GLIS3: variants seen among roughly 807,000 people sequenced by gnomAD.
GLIS3 encodes the protein GLIS family zinc finger 3.
Under a neutral mutation model 78.6 loss-of-function variants are expected in GLIS3, and 53 were observed. The ratio of observed to expected loss-of-function variants is 0.67; its 90% CI spans 0.54 to 0.85. The LOEUF is 0.85. GLIS3 is among the 40% of genes least tolerant of loss of function. GLIS3 has a pLI of 0.00. For missense variants in GLIS3, 1,703 were observed against 1,231.1 expected, an observed-to-expected ratio of 1.38 and a Z score of -5.74; for synonymous variants, 684 against 509.9, an observed-to-expected ratio of 1.34 and a Z score of -4.60.
chr9:4,267,726 T>A (rs1486415830), intron 2 of GLIS3, among the ~76,000 whole-genome samples: 1 of 152,142 alleles, frequency 6.6e-6, no homozygotes, highest in Non-Finnish European at 1.5e-5. Flanking sequence ...AGGAATATCT[T>A]AAGTCATTTC....
intron 2 of GLIS3, among the ~76,000 whole-genome samples, chr9:4,331,203 G>C (rs982825040): frequency 6.6e-6 from 1 of 152,146 alleles, no homozygotes; most frequent in African/African-American, 2.4e-5. Context: ...TGTTCTTCCA[G>C]CTTCTAAAGG....
rs981444857 is a variant in GLIS3, at chr9:4,225,233, T to A, written c.388+60805A>T. 2.6e-5 allele frequency among the ~76,000 whole-genome samples: 4 copies of A among 152,294 alleles called. No individual in the cohort carries two copies. The East Asian group carries it at 5.8e-4, about 22-fold the overall frequency. On this transcript the variant is annotated intron_variant, in intron 2 of 10. Transcript: ENST00000381971. Reference sequence around the variant, plus strand: ...ATTTTCCCCTACAACTGCAAAAGGTTGACTCTCATATACTTCGCTCTTTAA... The same window carrying A: ...ATTTTCCCCTACAACTGCAAAAGGTAGACTCTCATATACTTCGCTCTTTAA...
At chr9:4,266,269 T>A (rs1825999261) in intron 2 of GLIS3, among the ~76,000 whole-genome samples, 1 of 151,930 alleles carries the variant, frequency 6.6e-6, no homozygotes, top group Admixed American at 6.6e-5. Context: ...ATGAGCCACC[T>A]GGCTCAAGAA....
intron 2 of GLIS3, among the ~76,000 whole-genome samples, chr9:4,194,308 C>T (rs566071971): frequency 2.1e-4 from 32 of 152,290 alleles, no homozygotes; most frequent in Non-Finnish European, 2.6e-4. Flanking sequence ...AATCTGCCCA[C>T]TTTGGCCTCC....
In GLIS3 at chr9:3,936,908, T is replaced by G. The variant is rs1427564674; in HGVS notation, c.1872+120A>C. The G allele has an allele frequency of 2.9e-6, 4 of 1,374,274 alleles. No individual in the cohort carries two copies. In the East Asian group the frequency reaches 9.1e-5, roughly 31 times the overall value. The allele number at this position is 1,374,274 out of a possible 1,614,324, so 85.1% of individuals were successfully genotyped here. A position where few individuals can be genotyped will look rare whatever the true frequency, so the allele number is the denominator to read the frequency against. ...CTTTTACCAGGCTCCACTGCTGCCC[T>G]TGGCATTGTCCCTGTAACCTGCAGA... is the stretch of plus-strand genomic sequence containing the variant. On this transcript the variant is annotated intron_variant, in intron 5 of 10. Transcript: ENST00000381971.
chr9:3,890,459 T>C (rs73384277), intron 7 of GLIS3, among the ~76,000 whole-genome samples: 6,550 of 152,110 alleles, frequency 0.043, 156 homozygotes, highest in Middle Eastern at 0.065. Flanking sequence ...GCCACAGACA[T>C]TGACTTTGTT....
In GLIS3 at chr9:4,274,340, G is replaced by T. The variant is rs934709499; in HGVS notation, c.388+11698C>A. On this transcript the variant is annotated intron_variant, in intron 2 of 10. Transcript: ENST00000381971. ...TTCCTTTCTTCTTAGGTCTCTCTCT[G>T]GACTTGTTGGGGTGTTTTTTCATTT... 2.0e-5 allele frequency among the ~76,000 whole-genome samples: 3 copies of T among 152,132 alleles called. No individual in the cohort carries two copies. The East Asian group carries it at 5.8e-4, about 29-fold the overall frequency.
In GLIS3 at chr9:3,898,842, G is replaced by A. The variant is rs763102598; in HGVS notation, c.1984-7C>T. On this transcript the variant is annotated splice_polypyrimidine_tract_variant and splice_region_variant and intron_variant, in intron 6 of 10. Coordinates refer to ENST00000381971, the MANE Select transcript of GLIS3 (RefSeq NM_001042413.2). Reference sequence around the variant, plus strand: ...GCTCTGTGCTGGACCGCAACTAAGAGGACAAAACGGAAGAGACATCGATAA... The same window carrying A: ...GCTCTGTGCTGGACCGCAACTAAGAAGACAAAACGGAAGAGACATCGATAA... 2.5e-6 allele frequency: 4 copies of A among 1,613,822 alleles called. No homozygotes were observed. Among genetic ancestry groups the A allele is most frequent in the East Asian group, 4.5e-5 (2 of 44,892 alleles).
At position 4,086,224 on chromosome 9, in the gene GLIS3, T is replaced by C. The variant is rs190961359; in HGVS notation, c.1710+31544A>G. On this transcript the variant is annotated intron_variant, in intron 4 of 10. Coordinates refer to ENST00000381971, the MANE Select transcript of GLIS3 (RefSeq NM_001042413.2). ...TCTTTTGGCATGTAATTTACTTGTC[T>C]CCACCTCAGTCTAGTGAAATCCTCA... Among the ~76,000 whole-genome samples, 33 of 152,312 alleles carry C rather than the reference T, an allele frequency of 2.2e-4. 1 individual carries two copies. In the East Asian group the frequency reaches 6.4e-3, roughly 29 times the overall value.
chr9:4,338,773 C>T (rs948183000), intron 2 of GLIS3, among the ~76,000 whole-genome samples: 1 of 152,116 alleles, frequency 6.6e-6, no homozygotes, highest in Admixed American at 6.5e-5. Context: ...AAAATATAGC[C>T]TCATATTGTA....
Position 3,824,294 on chromosome 9 carries a change from C to G in GLIS3, c.*3978G>C, listed in dbSNP as rs903825639. The G allele has an allele frequency of 1.3e-5, 2 of 152,610 alleles. No homozygotes were observed. The highest frequency in any genetic ancestry group is 2.9e-5 in the Non-Finnish European group (2 of 68,048). 9.5% of individuals were successfully genotyped at this position (152,610 alleles called of 1,614,324 possible). A position where few individuals can be genotyped will look rare whatever the true frequency, so the allele number is the denominator to read the frequency against. The stretch of plus-strand genomic sequence containing the variant: ...ACAGCTCTGGCCCAAAGCAATGCAG[C>G]ATTTTAAAGCTGGACTTGAACATTC... On this transcript the variant is annotated 3_prime_UTR_variant, in exon 11 of 11. Transcript: ENST00000381971.
At chr9:3,894,305 G>A (rs1588167505) in intron 7 of GLIS3, among the ~76,000 whole-genome samples, 1 of 152,134 alleles carries the variant, frequency 6.6e-6, no homozygotes, top group Non-Finnish European at 1.5e-5. Flanking sequence ...TTAACCTACT[G>A]GGAAATGTGT....
At chr9:4,006,289 G>A (rs778442621) in intron 4 of GLIS3, among the ~76,000 whole-genome samples, 1 of 106,694 alleles carries the variant, frequency 9.4e-6, no homozygotes. Flanking sequence ...TTTAACTAAC[G>A]TTACTCATAT....
At chr9:4,353,480 C>A in the GLIS3 span, among the ~76,000 whole-genome samples, 1 of 152,166 alleles carries the variant, frequency 6.6e-6, no homozygotes, top group South Asian at 2.1e-4. Flanking sequence ...TGTCTCTGGA[C>A]TCAGCCCAGC....
chr9:4,354,634 A>C, the GLIS3 span, among the ~76,000 whole-genome samples: 1 of 152,176 alleles, frequency 6.6e-6, no homozygotes, highest in African/African-American at 2.4e-5. Flanking sequence ...GCACTATTCA[A>C]GGGGCTTTCT....
At chr9:4,469,866 A>G in the GLIS3 span, among the ~76,000 whole-genome samples, 1 of 152,208 alleles carries the variant, frequency 6.6e-6, no homozygotes, top group Non-Finnish European at 1.5e-5. Flanking sequence ...TGAGAAGATC[A>G]ACAAAATTGA....
intron 4 of GLIS3, among the ~76,000 whole-genome samples, chr9:4,069,737 C>T (rs1008247455): frequency 2.6e-5 from 4 of 152,056 alleles, no homozygotes; most frequent in Non-Finnish European, 4.4e-5. Context: ...TAAATTTAGT[C>T]AAGAGCCTTT....
At chr9:4,100,225 T>C (rs1046860720) in intron 4 of GLIS3, among the ~76,000 whole-genome samples, 1 of 152,186 alleles carries the variant, frequency 6.6e-6, no homozygotes, top group African/African-American at 2.4e-5. Flanking sequence ...TGGGAAGTCA[T>C]TTCCCTTCCA....
intron 4 of GLIS3, among the ~76,000 whole-genome samples, chr9:4,103,612 C>A (rs1217257859): frequency 6.6e-6 from 1 of 152,142 alleles, no homozygotes; most frequent in Non-Finnish European, 1.5e-5. Context: ...CCCATGTCAC[C>A]CTCATGGTAG....
Sources: gnomAD v4.1 joint callset for allele counts (sites outside exome capture counted in the v4.1 genomes callset) on GRCh38, gnomAD v4.1.1 for gene constraint, MANE v1.5 for transcripts, NCBI Gene and HGNC (gene_info 2026-07-23, HGNC 2026-07-21) for gene names.